The following PILRA variants were observed in gnomAD, a reference collection of about 807,000 sequenced individuals.
PILRA encodes paired immunoglobulin-like type 2 receptor alpha.
Under a neutral mutation model 33.1 loss-of-function variants are expected in PILRA, and 37 were observed. The ratio of observed to expected loss-of-function variants is 1.12; its 90% CI spans 0.86 to 1.47. The LOEUF (loss-of-function observed/expected upper bound fraction) is 1.47, where lower values mean the gene tolerates loss of function less well. PILRA is among the 40% of genes most tolerant of loss of function. The probability of loss-of-function intolerance (pLI) is 0.00; values close to 1 mark genes in which losing one functional copy is unlikely to be tolerated. For synonymous variants in PILRA, 146 were observed against 149.9 expected (o/e 0.97, Z 0.19); for missense variants, 312 against 376.2 (o/e 0.83, Z 1.41).
intron 2 of PILRA, 163 bp downstream of exon 2, chr7:100,374,596 T>C: frequency 1.3e-6 from 1 of 764,976 alleles, no homozygotes; most frequent in East Asian, 2.7e-5. Context: ...CTCTCCCCTT[T>C]TCTCTTCCCC....
chr7:100,395,057 A>G (rs919866411), intron 3 of PILRA, among the ~76,000 whole-genome samples: 2 of 152,242 alleles, frequency 1.3e-5, no homozygotes, highest in Admixed American at 6.5e-5. Flanking sequence ...AATATTTGTA[A>G]ATTATATATC....
At chr7:100,388,845 C>T (rs1383927804) in intron 2 of PILRA, among the ~76,000 whole-genome samples, 13 of 146,592 alleles carry the variant, frequency 8.9e-5, no homozygotes. Context: ...CTCATGGAGA[C>T]AGAAAGTAGA....
At chr7:100,379,268 CA>C (rs1158870253) in intron 2 of PILRA, among the ~76,000 whole-genome samples, 5 of 151,430 alleles carry the variant, frequency 3.3e-5, no homozygotes, top group Non-Finnish European at 7.4e-5. Context: ...TAATCCCAGC[CA>C]CTCGGGAGGC....
At chr7:100,397,994 C>T (rs1791535387) in intron 4 of PILRA, 82 bp downstream of exon 4, 4 of 1,397,272 alleles carry the variant, frequency 2.9e-6, no homozygotes, top group Admixed American at 1.7e-5. Context: ...GAGTGTGCTG[C>T]TAAGAACCCC....
intron 3 of PILRA, 86 bp from the exon 4 acceptor site, chr7:100,397,793 C>A: frequency 7.1e-7 from 1 of 1,399,026 alleles, no homozygotes; most frequent in African/African-American, 1.4e-5. Context: ...CTAAGGAGGG[C>A]CTCAGCCTAG....
At chr7:100,394,061 A>C (rs1200986785) in intron 3 of PILRA, among the ~76,000 whole-genome samples, 1 of 152,224 alleles carries the variant, frequency 6.6e-6, no homozygotes, top group African/African-American at 2.4e-5. Context: ...ATAATTGAAT[A>C]GATATTGGGT....
intron 1 of PILRA, 74 bp from the exon 2 acceptor site, chr7:100,373,970 G>A: frequency 6.4e-7 from 1 of 1,563,208 alleles, no homozygotes; most frequent in Non-Finnish European, 8.7e-7. Flanking sequence ...GGTGCGGGAG[G>A]GTCTGGGGTC....
chr7:100,397,469 C>G (rs568215891), intron 3 of PILRA, among the ~76,000 whole-genome samples: 20 of 151,814 alleles, frequency 1.3e-4, no homozygotes, highest in African/African-American at 4.1e-4. Flanking sequence ...CAGACATAGC[C>G]GCCACCCAGA....
In PILRA at chr7:100,383,240, C is replaced by T. The variant is rs150423138; in HGVS notation, c.455-6648C>T. ...CAGCAGGCCTCTGAAAAGCAAGAGA[C>T]GGGAGCCCAGAGAAGACAGAAATGT... is the stretch of plus-strand genomic sequence containing the variant. On this transcript the variant is annotated intron_variant, in intron 2 of 6. Transcript: ENST00000198536. Among the ~76,000 whole-genome samples, 8 of 152,180 alleles carry T rather than the reference C, an allele frequency of 5.3e-5. No homozygotes were observed. In the East Asian group the frequency reaches 7.7e-4, roughly 15 times the overall value.
upstream of PILRA, among the ~76,000 whole-genome samples, chr7:100,371,708 T>C (rs1218265679): frequency 6.6e-6 from 1 of 152,102 alleles, no homozygotes; most frequent in African/African-American, 2.4e-5. Flanking sequence ...CTCCAGGCCC[T>C]CCTCCTCCTC....
chr7:100,381,310 G>A (rs551756603), intron 2 of PILRA, among the ~76,000 whole-genome samples: 117 of 152,048 alleles, frequency 7.7e-4, no homozygotes, highest in African/African-American at 2.7e-3. Context: ...GCTGGGTATA[G>A]TGGCACATGC....
chr7:100,383,917 G>A (rs1424012453), intron 2 of PILRA, among the ~76,000 whole-genome samples: 2 of 152,180 alleles, frequency 1.3e-5, no homozygotes, highest in African/African-American at 4.8e-5. Context: ...GATTACAGGC[G>A]TAAGCCTCCA....
intron 2 of PILRA, among the ~76,000 whole-genome samples, chr7:100,387,796 C>T (rs2130208017): frequency 6.6e-6 from 1 of 152,296 alleles, no homozygotes; most frequent in South Asian, 2.1e-4. Context: ...CTTTTGTTGT[C>T]ATTAGGTTTG....
At chr7:100,399,718 C>T in intron 6 of PILRA, 67 bp from the exon 7 acceptor site, 2 of 1,611,552 alleles carry the variant, frequency 1.2e-6, no homozygotes, top group Non-Finnish European at 1.7e-6. Context: ...AAACTGTAGG[C>T]TTGCCGCTAA....
At chr7:100,379,598 A>G (rs1277549952) in intron 2 of PILRA, among the ~76,000 whole-genome samples, 2 of 149,846 alleles carry the variant, frequency 1.3e-5, no homozygotes, top group African/African-American at 4.9e-5. Context: ...AACCTGGGAG[A>G]CGGAAGTTGC....
intron 2 of PILRA, among the ~76,000 whole-genome samples, chr7:100,377,856 A>T (rs1437941934): frequency 6.6e-6 from 1 of 152,120 alleles, no homozygotes; most frequent in Non-Finnish European, 1.5e-5. Context: ...CATTTATTGC[A>T]TTTTTATCTG....
chr7:100,374,534 C>T (rs768527566), intron 2 of PILRA, 101 bp downstream of exon 2: 549 of 1,418,834 alleles, frequency 3.9e-4, no homozygotes, highest in Non-Finnish European at 4.4e-4. Context: ...CTTCTTCTGA[C>T]GACCCCTAAG....
At chr7:100,374,636 A>G (rs1385018253) in intron 2 of PILRA, 1 of 639,962 alleles carries the variant, frequency 1.6e-6, no homozygotes, top group Non-Finnish European at 2.8e-6. Context: ...GCTTTCCCCA[A>G]CCATCCCCCT....
In PILRA at chr7:100,394,695, T is replaced by C. The variant is rs115313871; in HGVS notation, c.674-3184T>C. 9.4e-3 allele frequency among the ~76,000 whole-genome samples: 1,421 copies of C among 151,854 alleles called. 28 individuals are homozygous for C. Among genetic ancestry groups the C allele is most frequent in the African/African-American group, 0.032 (1,341 of 41,366 alleles). On this transcript the variant is annotated intron_variant, in intron 3 of 6. Coordinates refer to ENST00000198536, the MANE Select transcript of PILRA (RefSeq NM_013439.3). ...GTCTAGAAATAAACCCTTGCGCATA[T>C]GGTCAAAAGACTTGACAAGGGTGCC...
Sources: gnomAD v4.1 joint callset for allele counts (sites outside exome capture counted in the v4.1 genomes callset) on GRCh38, gnomAD v4.1.1 for gene constraint, MANE v1.5 for transcripts, NCBI Gene and HGNC (gene_info 2026-07-23, HGNC 2026-07-21) for gene names.